SHISA6: variants seen among roughly 807,000 people sequenced by gnomAD.
SHISA6 encodes the protein protein shisa-6.
SHISA6 carries 22 observed loss-of-function variants against 47.9 expected under a neutral mutation model. The ratio of observed to expected loss-of-function variants is 0.46; its 90% confidence interval spans 0.33 to 0.66. The LOEUF is 0.66. SHISA6 is among the 30% of genes least tolerant of loss of function. The probability of loss-of-function intolerance (pLI) is 0.02; values close to 1 mark genes in which losing one functional copy is unlikely to be tolerated. For missense variants in SHISA6, 680 were observed against 764.6 expected, an observed-to-expected ratio of 0.89 and a Z score of 1.30; for synonymous variants, 388 against 337.8, an observed-to-expected ratio of 1.15 and a Z score of -1.63.
intron 3 of SHISA6, among the ~76,000 whole-genome samples, chr17:11,447,687 G>A (rs576206380): frequency 3.3e-5 from 5 of 152,284 alleles, no homozygotes; most frequent in East Asian, 1.9e-4. Context: ...TTGTTCACTC[G>A]GATGGATTGA....
At chr17:11,547,847 A>G (rs1212574827) in intron 3 of SHISA6, among the ~76,000 whole-genome samples, 2 of 152,258 alleles carry the variant, frequency 1.3e-5, no homozygotes, top group African/African-American at 4.8e-5. Flanking sequence ...ATCCAAGTTC[A>G]TATATGAAGA....
chr17:11,508,253 G>T (rs2071516527), intron 3 of SHISA6, among the ~76,000 whole-genome samples: 1 of 152,216 alleles, frequency 6.6e-6, no homozygotes, highest in Non-Finnish European at 1.5e-5. Context: ...ACAGAACACA[G>T]ATTTATTTCT....
At chr17:11,408,233 A>T (rs537549148) in intron 3 of SHISA6, among the ~76,000 whole-genome samples, 1 of 152,212 alleles carries the variant, frequency 6.6e-6, no homozygotes, top group East Asian at 1.9e-4. Flanking sequence ...AACTATTAGA[A>T]TGTAATTAAA....
At chr17:11,548,803 T>G (rs892206490) in intron 3 of SHISA6, among the ~76,000 whole-genome samples, 3 of 152,188 alleles carry the variant, frequency 2.0e-5, no homozygotes, top group African/African-American at 7.2e-5. Context: ...AATAGACTAT[T>G]CTATAGATAG....
chr17:11,342,715 G>A (rs1311991776), intron 2 of SHISA6, among the ~76,000 whole-genome samples: 1 of 152,158 alleles, frequency 6.6e-6, no homozygotes, highest in African/African-American at 2.4e-5. Flanking sequence ...ATTTCTAGAA[G>A]GGTGATTCTG....
chr17:11,245,156 A>T (rs1398887246), intron 1 of SHISA6, among the ~76,000 whole-genome samples: 1 of 152,200 alleles, frequency 6.6e-6, no homozygotes, highest in Admixed American at 6.5e-5. Context: ...TGTGATTCTA[A>T]TAGATGAGTA....
chr17:11,519,865 CTG>C (rs1244460764), intron 3 of SHISA6, among the ~76,000 whole-genome samples: 2 of 152,138 alleles, frequency 1.3e-5, no homozygotes, highest in Non-Finnish European at 1.5e-5. Flanking sequence ...AAGCATTCAG[CTG>C]TCCTCCTGAG....
chr17:11,368,040 T>C (rs1385072726), intron 2 of SHISA6, among the ~76,000 whole-genome samples: 1 of 152,114 alleles, frequency 6.6e-6, no homozygotes, highest in Non-Finnish European at 1.5e-5. Context: ...GTCACTCACA[T>C]GACCCACTTT....
In SHISA6 at chr17:11,454,319, T is replaced by C. The variant is rs536342482; in HGVS notation, c.895+74810T>C. ...CTCTCGCCTGGGCTTCTTCAGGAGC[T>C]ACTGTTCATCCTCTCTGCCCACATC... On this transcript the variant is annotated intron_variant, in intron 3 of 5. Coordinates refer to ENST00000441885, the MANE Select transcript of SHISA6 (RefSeq NM_207386.4). Among the ~76,000 whole-genome samples the C allele has an allele frequency of 1.4e-4, 22 of 152,302 alleles. No homozygotes were observed. In the South Asian group the frequency reaches 3.9e-3, roughly 27 times the overall value.
chr17:11,302,201 T>G (rs1439776545), intron 2 of SHISA6, among the ~76,000 whole-genome samples: 1 of 152,170 alleles, frequency 6.6e-6, no homozygotes, highest in Non-Finnish European at 1.5e-5. Flanking sequence ...ATATCAGGCC[T>G]AGAGCTTAAC....
intron 3 of SHISA6, among the ~76,000 whole-genome samples, chr17:11,493,569 A>G (rs2071383648): frequency 1.8e-5 from 2 of 109,720 alleles, no homozygotes; most frequent in South Asian, 5.9e-4. Context: ...ATGTGGATAC[A>G]CGCGTGCGCG....
intron 4 of SHISA6, 33 bp downstream of exon 4, chr17:11,551,985 TC>T (rs1428407419): frequency 1.3e-6 from 2 of 1,547,636 alleles, no homozygotes; most frequent in African/African-American, 2.7e-5. Flanking sequence ...CTGCATTTCC[TC>T]CTTATTTCGA....
rs1238593502 is a variant in SHISA6, at chr17:11,563,720, T to C, written c.*5416T>C. 6.6e-6 allele frequency: 1 copy of C among 152,230 alleles called. No homozygotes were observed. The highest frequency in any genetic ancestry group is 1.5e-5 in the Non-Finnish European group (1 of 68,024). 9.4% of individuals were successfully genotyped at this position (152,230 alleles called of 1,614,324 possible). ...TAATAAAAAGCAATTCTTACTGTAA[T>C]ATTTTTAGTTTGGGGACACAATTTC... On this transcript the variant is annotated 3_prime_UTR_variant, in exon 6 of 6. Coordinates refer to ENST00000441885, the MANE Select transcript of SHISA6 (RefSeq NM_207386.4).
intron 2 of SHISA6, among the ~76,000 whole-genome samples, chr17:11,311,380 C>T (rs766811811): frequency 2.6e-4 from 39 of 151,460 alleles, no homozygotes; most frequent in Non-Finnish European, 5.3e-4. Context: ...TGCATTTATG[C>T]AGGTGAGATT....
intron 2 of SHISA6, among the ~76,000 whole-genome samples, chr17:11,314,499 T>C (rs937514202): frequency 6.6e-6 from 1 of 151,736 alleles, no homozygotes; most frequent in Admixed American, 6.6e-5. Context: ...GTTCACTGTG[T>C]ACTTTTACGT....
At chr17:11,353,129 G>A (rs143030383) in intron 2 of SHISA6, among the ~76,000 whole-genome samples, 96 of 152,238 alleles carry the variant, frequency 6.3e-4, no homozygotes, top group African/African-American at 2.2e-3. Context: ...GGGTCATGCA[G>A]AATGTTACAG....
intron 2 of SHISA6, among the ~76,000 whole-genome samples, chr17:11,362,851 T>A (rs1366486060): frequency 1.3e-5 from 2 of 152,186 alleles, no homozygotes; most frequent in African/African-American, 4.8e-5. Context: ...CGTCTTCTGG[T>A]TTTAGCCTGA....
intron 2 of SHISA6, among the ~76,000 whole-genome samples, chr17:11,346,297 C>T (rs1911698303): frequency 6.6e-6 from 1 of 152,116 alleles, no homozygotes; most frequent in Admixed American, 6.5e-5. Flanking sequence ...AGATGTTAAA[C>T]CAACCTTGAA....
chr17:11,514,117 C>T (rs534301003), intron 3 of SHISA6, among the ~76,000 whole-genome samples: 4 of 152,178 alleles, frequency 2.6e-5, no homozygotes, highest in South Asian at 4.2e-4. Flanking sequence ...GCTTTGTGGC[C>T]GACTGGCACC....
Sources: gnomAD v4.1 joint callset for allele counts (sites outside exome capture counted in the v4.1 genomes callset) on GRCh38, gnomAD v4.1.1 for gene constraint, MANE v1.5 for transcripts, NCBI Gene and HGNC (gene_info 2026-07-23, HGNC 2026-07-21) for gene names.